Variants in KLHL5 observed in about 807,000 individuals in gnomAD.
The protein encoded by KLHL5 is kelch-like protein 5.
In KLHL5, 48 loss-of-function variants were observed where a neutral mutation model predicts 77.7. The ratio of observed to expected loss-of-function variants is 0.62; its 90% CI spans 0.49 to 0.79. The LOEUF (loss-of-function observed/expected upper bound fraction) is 0.79. Ranked by LOEUF, KLHL5 falls within the 30% of genes least tolerant of loss-of-function variation. KLHL5 has a pLI of 0.00. For missense variants in KLHL5, 723 were observed against 859.7 expected (o/e 0.84, Z 1.99); for synonymous variants, 260 against 297.0 (o/e 0.88, Z 1.28).
intron 5 of KLHL5, among the ~76,000 whole-genome samples, chr4:39,092,223 A>T (rs765037965): frequency 6.6e-6 from 1 of 152,098 alleles, no homozygotes; most frequent in Non-Finnish European, 1.5e-5. Flanking sequence ...ATGAAAGTAT[A>T]TATTTTGTAG....
At chr4:39,104,543 G>A (rs1223142398) in intron 7 of KLHL5, among the ~76,000 whole-genome samples, 1 of 152,152 alleles carries the variant, frequency 6.6e-6, no homozygotes, top group Non-Finnish European at 1.5e-5. Context: ...TCATAGTCCA[G>A]CTGTTTCGTG....
At chr4:39,062,065 C>G (rs1717465526), upstream of KLHL5, among the ~76,000 whole-genome samples, 1 of 152,070 alleles carries the variant, frequency 6.6e-6, no homozygotes, top group African/African-American at 2.4e-5. Flanking sequence ...TTTACAAATG[C>G]TTTTTTAAAA....
At chr4:39,068,437 CTGTGTGTG>C (rs71192818) in intron 1 of KLHL5, among the ~76,000 whole-genome samples, 13 of 147,964 alleles carry the variant, frequency 8.8e-5, no homozygotes, top group African/African-American at 3.0e-4. Flanking sequence ...CCAGAAAACA[CTGTGTGTG>C]TGTGTGTGTG....
At chr4:39,060,903 G>A (rs191871063), upstream of KLHL5, among the ~76,000 whole-genome samples, 57 of 152,198 alleles carry the variant, frequency 3.7e-4, no homozygotes, top group Non-Finnish European at 7.5e-4. Context: ...TTATCTCATC[G>A]TATTCATCTA....
intron 8 of KLHL5, among the ~76,000 whole-genome samples, chr4:39,109,934 C>T (rs1286474050): frequency 1.3e-5 from 2 of 152,152 alleles, no homozygotes; most frequent in Non-Finnish European, 2.9e-5. Flanking sequence ...GATCAGCCCA[C>T]CTTGGCCTCC....
chr4:39,131,607 C>T (rs1182413886), downstream of KLHL5, among the ~76,000 whole-genome samples: 2 of 152,074 alleles, frequency 1.3e-5, no homozygotes, highest in Non-Finnish European at 1.5e-5. Context: ...TAAGTGAAAG[C>T]CAACCAGGTG....
At position 39,081,229 on chromosome 4, in the gene KLHL5, T is replaced by C. The variant is rs763271649; in HGVS notation, c.693T>C (p.Tyr231=). The C allele has an allele frequency of 1.2e-6, 2 of 1,609,814 alleles. No individual in the cohort carries two copies. Among genetic ancestry groups the C allele is most frequent in the East Asian group, 2.2e-5 (1 of 44,750 alleles). ...EPNSLWSLIQ[Y]AYTGRLELKE... is the part of the protein sequence containing the mutation. ...ATTCGTTGTGGTCCTTGATCCAGTA[T>C]GCTTATACAGGTAACGAGTCTGAAA... Residue 231 remains tyrosine (Y), a synonymous_variant, in exon 3 of 11, where the codon TAT becomes TAC. Coordinates refer to ENST00000504108, the MANE Select transcript of KLHL5 (RefSeq NM_015990.5). The surrounding 1 kb of genome is among the most constrained non-coding windows in gnomAD (Gnocchi z 4.3).
At position 39,081,008 on chromosome 4, in the gene KLHL5, C is replaced by T; in HGVS notation, c.567-95C>T. 2.4e-6 allele frequency: 3 copies of T among 1,253,808 alleles called. No homozygotes were observed. Among genetic ancestry groups the T allele is most frequent in the Non-Finnish European group, 3.4e-6 (3 of 894,708 alleles). 77.7% of individuals were successfully genotyped at this position (1,253,808 alleles called of 1,614,324 possible). ...AAAATGCATTTCCTAGTACCATGCA[C>T]TGTGAGTAACAAATAAAAAAGAAGC... On this transcript the variant is annotated intron_variant, in intron 2 of 10. Coordinates refer to ENST00000504108, the MANE Select transcript of KLHL5 (RefSeq NM_015990.5). The surrounding 1 kb of genome is among the most constrained non-coding windows in gnomAD (Gnocchi z 4.3).
intron 10 of KLHL5, 99 bp from the exon 11 acceptor site, chr4:39,120,911 T>C: frequency 1.1e-6 from 1 of 940,874 alleles, no homozygotes; most frequent in Non-Finnish European, 1.7e-6. Context: ...AACAACCCTT[T>C]GCCAACAAGT....
chr4:39,060,924 T>C (rs1248751715), upstream of KLHL5, among the ~76,000 whole-genome samples: 1 of 152,218 alleles, frequency 6.6e-6, no homozygotes, highest in Non-Finnish European at 1.5e-5. Context: ...ACTTTATCTC[T>C]TACTACACCT....
At chr4:39,138,146 T>G in the KLHL5 span, among the ~76,000 whole-genome samples, 1 of 152,102 alleles carries the variant, frequency 6.6e-6, no homozygotes, top group East Asian at 1.9e-4. Context: ...ACTTATGCAC[T>G]GTTGGTGGGA....
chr4:39,047,385 T>G (rs1353020799), intron 1 of KLHL5, among the ~76,000 whole-genome samples: 1 of 152,138 alleles, frequency 6.6e-6, no homozygotes. Context: ...GCCACTGCAC[T>G]CCAGCCTGGG....
intron 5 of KLHL5, among the ~76,000 whole-genome samples, chr4:39,095,843 A>C (rs1429718848): frequency 6.6e-6 from 1 of 151,588 alleles, no homozygotes; most frequent in Non-Finnish European, 1.5e-5. Flanking sequence ...CAATTAGTAA[A>C]AGAAAAAACT....
At chr4:39,075,814 A>G (rs1718974393) in intron 1 of KLHL5, 151 bp from the exon 2 acceptor site, 2 of 621,702 alleles carry the variant, frequency 3.2e-6, no homozygotes, top group Non-Finnish European at 5.4e-6. Context: ...TTGATTTTTA[A>G]GAGACTAAAA....
intron 5 of KLHL5, among the ~76,000 whole-genome samples, chr4:39,091,850 T>G (rs946588292): frequency 3.5e-5 from 5 of 141,800 alleles, no homozygotes. Flanking sequence ...TAGTTTTTTT[T>G]TTTTTTTTTT....
At chr4:39,101,823 G>T (rs1163141790) in intron 6 of KLHL5, among the ~76,000 whole-genome samples, 1 of 143,008 alleles carries the variant, frequency 7.0e-6, no homozygotes. Context: ...TCCAGCCTGG[G>T]TGATAAAGCA....
chr4:39,104,797 C>T lies in KLHL5; in HGVS notation c.1525+1286C>T, dbSNP rs575064035. 1.7e-4 allele frequency among the ~76,000 whole-genome samples: 26 copies of T among 150,406 alleles called. No homozygotes were observed. In the East Asian group the frequency reaches 3.9e-3, roughly 22 times the overall value. ...TTTTTTTTTTTTTGAGACGGAGTCT[C>T]GTTCTGTTGCCAGGCTGAAGTGCAG... On this transcript the variant is annotated intron_variant, in intron 7 of 10. Coordinates refer to ENST00000504108, the MANE Select transcript of KLHL5 (RefSeq NM_015990.5).
At chr4:39,048,196 G>C (rs564567764) in intron 1 of KLHL5, among the ~76,000 whole-genome samples, 3 of 152,290 alleles carry the variant, frequency 2.0e-5, no homozygotes, top group African/African-American at 7.2e-5. Context: ...TCCAGAGTTC[G>C]AGATGGCAAG....
At chr4:39,131,723 A>G (rs946655063), downstream of KLHL5, among the ~76,000 whole-genome samples, 1 of 151,950 alleles carries the variant, frequency 6.6e-6, no homozygotes, top group Admixed American at 6.6e-5. Flanking sequence ...ATCTGTCTCT[A>G]CAAAAAATAC....
Sources: allele counts gnomAD v4.1 joint callset (sites outside exome capture counted in the v4.1 genomes callset), GRCh38; gene constraint gnomAD v4.1.1; non-coding constraint Gnocchi (gnomAD v3.1); transcripts MANE v1.5; gene names NCBI Gene and HGNC (gene_info 2026-07-23, HGNC 2026-07-21).